Variants in PKHD1L1 observed in about 807,000 individuals in gnomAD.
PKHD1L1 encodes PKHD1 like 1.
A neutral mutation model predicts 462.9 loss-of-function variants in PKHD1L1; 434 were observed. The ratio of observed to expected loss-of-function variants is 0.94; its 90% CI spans 0.87 to 1.02. PKHD1L1 has a LOEUF of 1.02. Ranked by LOEUF, PKHD1L1 falls within the 50% of genes least tolerant of loss-of-function variation. PKHD1L1 has a pLI of 0.00. For missense variants in PKHD1L1, 5,202 were observed against 5,096.1 expected (o/e 1.02, Z -0.63); for synonymous variants, 1,781 against 1,750.0 (o/e 1.02, Z -0.44).
chr8:109,495,783 T>C (rs185701465), intron 63 of PKHD1L1, among the ~76,000 whole-genome samples: 1 of 152,260 alleles, frequency 6.6e-6, no homozygotes, highest in East Asian at 1.9e-4. Context: ...CCAGGGAACC[T>C]GAACAGGAGA....
At chr8:109,392,964 A>C (rs1234813642) in intron 9 of PKHD1L1, among the ~76,000 whole-genome samples, 2 of 152,186 alleles carry the variant, frequency 1.3e-5, no homozygotes, top group Non-Finnish European at 2.9e-5. Flanking sequence ...TCAATGAATT[A>C]GTGAAAATAA....
chr8:109,494,989 CT>C (rs1228635312), intron 63 of PKHD1L1, among the ~76,000 whole-genome samples: 2 of 151,808 alleles, frequency 1.3e-5, no homozygotes, highest in Non-Finnish European at 2.9e-5. Flanking sequence ...AGTATAGTTA[CT>C]TTTTAACAGC....
At chr8:109,416,101 C>A (rs1304910405) in intron 21 of PKHD1L1, among the ~76,000 whole-genome samples, 2 of 152,010 alleles carry the variant, frequency 1.3e-5, no homozygotes, top group African/African-American at 4.8e-5. Context: ...AGGTAGGAGT[C>A]CACAGTCCAA....
rs911081013 is a variant in PKHD1L1, at chr8:109,532,621, G to A, written c.*2531G>A. On this transcript the variant is annotated 3_prime_UTR_variant, in exon 78 of 78. Coordinates refer to ENST00000378402, the MANE Select transcript of PKHD1L1 (RefSeq NM_177531.6). ...TCTACCTAAGACCTGAAATGTTGGC[G>A]AAGTAAATATGTTGTTCCAATTTTG... is the stretch of plus-strand genomic sequence containing the variant. 1.4e-4 allele frequency among the ~76,000 whole-genome samples: 22 copies of A among 152,240 alleles called. No homozygotes were observed. Among genetic ancestry groups the A allele is most frequent in the African/African-American group, 5.3e-4 (22 of 41,552 alleles).
At chr8:109,493,409 T>C (rs552540846) in intron 62 of PKHD1L1, among the ~76,000 whole-genome samples, 3 of 151,700 alleles carry the variant, frequency 2.0e-5, no homozygotes, top group African/African-American at 7.2e-5. Flanking sequence ...AAATAAGAAA[T>C]AATCTCTTTA....
At chr8:109,454,699 T>A in intron 44 of PKHD1L1, 24 bp from the exon 45 acceptor site, 1 of 1,607,794 alleles carries the variant, frequency 6.2e-7, no homozygotes, top group Non-Finnish European at 8.5e-7. Flanking sequence ...ATTTTCTGAA[T>A]GGCATTTGTG....
intron 17 of PKHD1L1, 41 bp downstream of exon 17, chr8:109,406,519 T>A (rs377334353): frequency 6.5e-7 from 1 of 1,531,634 alleles, no homozygotes; most frequent in East Asian, 2.4e-5. Context: ...AGGAAACAAA[T>A]GTATATCCTG....
Position 109,457,021 on chromosome 8 carries a change from AAAAG to A in PKHD1L1, c.7004+638_7004+641del, listed in dbSNP as rs532610383. 7.4e-4 allele frequency among the ~76,000 whole-genome samples: 113 copies of A among 152,280 alleles called. 1 individual carries two copies. The highest frequency in any genetic ancestry group is 2.0e-3 in the Admixed American group (30 of 15,290). ...TTACATTTTTTAGCAAATAAGACAT[AAAAG>A]AAAGAAAATTAACATAACACCACCA... On this transcript the variant is annotated intron_variant, in intron 46 of 77. Coordinates refer to ENST00000378402, the MANE Select transcript of PKHD1L1 (RefSeq NM_177531.6).
Position 109,481,441 on chromosome 8 carries a change from A to G in PKHD1L1, c.9336A>G (p.Arg3112=), listed in dbSNP as rs542538488. 1.3e-6 allele frequency: 2 copies of G among 1,595,004 alleles called. No individual in the cohort carries two copies. The highest frequency in any genetic ancestry group is 1.1e-5 in the South Asian group (1 of 87,736). The part of the protein sequence containing the change: ...NATYISLQGG[R]LIGGWEDNPF... ...TTTCTGCTTCATTTCAGGGAGGTAG[A>G]TTAATCGGTGGCTGGGAAGATAACC... Residue 3112 remains arginine (R), a synonymous_variant, in exon 56 of 78, where the codon AGA becomes AGG. Transcript: ENST00000378402.
intron 2 of PKHD1L1, among the ~76,000 whole-genome samples, chr8:109,366,541 T>C (rs1811240519): frequency 6.6e-6 from 1 of 152,200 alleles, no homozygotes; most frequent in African/African-American, 2.4e-5. Context: ...GCATAGAGCA[T>C]ATAGTTAACA....
In PKHD1L1 at chr8:109,466,588, A is replaced by G; in HGVS notation, c.8424A>G (p.Gly2808=). The G allele has an allele frequency of 6.3e-7, 1 of 1,594,222 alleles. No individual in the cohort carries two copies. The highest frequency in any genetic ancestry group is 8.5e-7 in the Non-Finnish European group (1 of 1,170,694). Residue 2808 remains glycine, a synonymous_variant, in exon 50 of 78, where the codon GGA becomes GGG. Coordinates refer to ENST00000378402, the MANE Select transcript of PKHD1L1 (RefSeq NM_177531.6). ...DVDGSLTGHK[G]HTVIPHSSLL... ...TTGTTTGTTTCCCAGGGCACAAAGG[A>G]CATACCGTCATTCCACACAGCTCAT...
intron 63 of PKHD1L1, among the ~76,000 whole-genome samples, 164 bp downstream of exon 63, chr8:109,493,915 AAAAT>A (rs943769724): frequency 2.6e-5 from 4 of 151,964 alleles, no homozygotes; most frequent in Admixed American, 6.6e-5. Context: ...TGGATCTAAA[AAAAT>A]AAATAAATAG....
chr8:109,407,944 T>C (rs1485617280), intron 17 of PKHD1L1, 105 bp from the exon 18 acceptor site: 2 of 713,224 alleles, frequency 2.8e-6, no homozygotes, highest in South Asian at 6.8e-5. Flanking sequence ...TGAAACCAAT[T>C]TGGCTACATT....
At chr8:109,394,881 T>C (rs975536792) in intron 10 of PKHD1L1, among the ~76,000 whole-genome samples, 1 of 152,192 alleles carries the variant, frequency 6.6e-6, no homozygotes, top group Non-Finnish European at 1.5e-5. Flanking sequence ...ACATCGAAAA[T>C]GCATTTAATC....
rs115243159 is a variant in PKHD1L1 at position 109,508,050 on chromosome 8, A to G, written c.11228-47A>G. On this transcript the variant is annotated intron_variant, in intron 69 of 77. Coordinates refer to ENST00000378402, the MANE Select transcript of PKHD1L1 (RefSeq NM_177531.6). ...ATAGATGTTATAAGGATTTTTTTGC[A>G]AAGAGATTCTGTATTATTGCTAAAA... 2,458 of 1,537,310 alleles carry G rather than the reference A, an allele frequency of 1.6e-3. 36 individuals are homozygous for G. In the African/African-American group the frequency reaches 0.031, roughly 19 times the overall value.
chr8:109,413,326 CAATA>C, intron 20 of PKHD1L1, 91 bp from the exon 21 acceptor site: 1 of 884,408 alleles, frequency 1.1e-6, no homozygotes, highest in East Asian at 3.2e-5. Flanking sequence ...AGAAAATGCT[CAATA>C]AATATTTATT....
Position 109,454,867 on chromosome 8 carries a change from T to C in PKHD1L1, c.6874+15T>C. 1.2e-6 allele frequency: 2 copies of C among 1,605,124 alleles called. No individual in the cohort carries two copies. The highest frequency in any genetic ancestry group is 8.5e-7 in the Non-Finnish European group (1 of 1,175,384). On this transcript the variant is annotated intron_variant, in intron 45 of 77. Transcript: ENST00000378402. Reference sequence around the variant, plus strand: ...GGATCTGCACGGTACTGTGGCCAAGTGGCTAAGGGAGTTGGTAGAGGAAGA... The same window carrying C: ...GGATCTGCACGGTACTGTGGCCAAGCGGCTAAGGGAGTTGGTAGAGGAAGA...
Position 109,507,781 on chromosome 8 carries a change from T to C in PKHD1L1, c.11113T>C (p.Tyr3705His), listed in dbSNP as rs1315177785. ...TGGTTCTGTGATACCTCAAGCAGAA[T>C]ATGAATGGGACGGAAACAGCCAAGT... The part of the protein sequence containing the change: ...NAGSVIPQAE[Y>H]EWDGNSQVGI... The change falls in exon 69 of 78, where the codon TAT (tyrosine) becomes CAT (histidine). Residue 3705 changes from tyrosine (Y) to histidine (H), a missense_variant. Physicochemically the swap from Tyr to His is moderately conservative, Grantham distance 83 (BLOSUM62 2). Transcript: ENST00000378402. 1 of 1,613,338 alleles carries C rather than the reference T, an allele frequency of 6.2e-7. No individual in the cohort carries two copies. Among genetic ancestry groups the C allele is most frequent in the African/African-American group, 1.3e-5 (1 of 74,834 alleles).
In PKHD1L1 at chr8:109,531,458, A is replaced by G. The variant is rs1157263807; in HGVS notation, c.*1368A>G. Among the ~76,000 whole-genome samples the G allele has an allele frequency of 9.0e-6, 1 of 111,380 alleles. No individual in the cohort carries two copies. Among genetic ancestry groups the G allele is most frequent in the African/African-American group, 2.6e-5 (1 of 38,536 alleles). 73.1% of individuals were successfully genotyped at this position (111,380 alleles called of 152,430 possible). ...GGGAGAGAGAGACAGAGAAAGACAG[A>G]GAGATAGAGACAGAGACAGAGAGGG... On this transcript the variant is annotated 3_prime_UTR_variant, in exon 78 of 78. Transcript: ENST00000378402.
Sources: allele counts gnomAD v4.1 joint callset (sites outside exome capture counted in the v4.1 genomes callset), GRCh38; gene constraint gnomAD v4.1.1; transcripts MANE v1.5; gene names NCBI Gene and HGNC (gene_info 2026-07-23, HGNC 2026-07-21).